Variants in POU2F2 observed in about 807,000 individuals in gnomAD.
POU2F2 encodes the protein POU class 2 homeobox 2, also known as POU domain, class 2, transcription factor 2.
POU2F2 carries 14 observed loss-of-function variants against 63.5 expected under a neutral mutation model. The observed-to-expected ratio is 0.22, with a 90% CI of 0.15 to 0.34. The LOEUF (loss-of-function observed/expected upper bound fraction) is 0.34. Ranked by LOEUF, POU2F2 falls within the 10% of genes least tolerant of loss-of-function variation. POU2F2 has a pLI of 1.00. For synonymous variants in POU2F2, 306 were observed against 348.6 expected (o/e 0.88, Z 1.36); for missense variants, 607 against 815.2 (o/e 0.74, Z 3.11).
In POU2F2 at chr19:42,096,770, C is replaced by G. The variant is rs1025539959; in HGVS notation, c.568-527G>C. On this transcript the variant is annotated intron_variant, in intron 7 of 14. Coordinates refer to ENST00000692977, the MANE Select transcript of POU2F2 (RefSeq NM_001394376.1). The surrounding 1 kb of genome is among the most constrained non-coding windows in gnomAD (Gnocchi z 4.1). ...GACTGTACAATGCCAAGAGTGAACC[C>G]TAATGTCAGCTATGAACTTTGGGTA... Among the ~76,000 whole-genome samples the G allele has an allele frequency of 1.3e-5, 2 of 152,152 alleles. No individual in the cohort carries two copies. Among genetic ancestry groups the G allele is most frequent in the African/African-American group, 4.8e-5 (2 of 41,422 alleles).
upstream of POU2F2, chr19:42,177,418 C>G (rs1599723134): frequency 6.6e-6 from 1 of 152,024 alleles, no homozygotes; most frequent in African/African-American, 2.4e-5. Flanking sequence ...AGAGAGAGCG[C>G]GAGCGAGAGA....
At chr19:42,103,824 G>A (rs979213252) in intron 5 of POU2F2, among the ~76,000 whole-genome samples, 6 of 151,762 alleles carry the variant, frequency 4.0e-5, no homozygotes, top group Non-Finnish European at 5.9e-5. Flanking sequence ...TATTAGAGAC[G>A]AGGTTTCACC....
chr19:42,140,254 A>C (rs746259549), intron 2 of POU2F2, among the ~76,000 whole-genome samples: 21 of 151,694 alleles, frequency 1.4e-4, no homozygotes, highest in Non-Finnish European at 2.7e-4. Flanking sequence ...CCACATGCGC[A>C]CTTCCTGTTC....
chr19:42,179,380 C>T (rs2034934539), upstream of POU2F2, among the ~76,000 whole-genome samples: 2 of 152,086 alleles, frequency 1.3e-5, no homozygotes, highest in South Asian at 4.1e-4. Flanking sequence ...GGGGCTCCGA[C>T]CAGGGGAAGG....
rs2034689503 is a variant in POU2F2, at chr19:42,168,169, C to T, written c.-69-7777G>A. Among the ~76,000 whole-genome samples the T allele has an allele frequency of 2.6e-5, 4 of 152,212 alleles. 1 individual carries two copies. The South Asian group carries it at 8.3e-4, about 32-fold the overall frequency. On this transcript the variant is annotated intron_variant, in intron 1 of 6. Coordinates refer to the POU2F2 transcript ENST00000524801. ...CCAGACCTTGGCCAGGGTTCCCAGA[C>T]TGGACAGGTAGAGCAGAAGTCCTTG...
At chr19:42,181,230 A>G (rs889609417) in intron 1 of POU2F2, among the ~76,000 whole-genome samples, 6 of 152,264 alleles carry the variant, frequency 3.9e-5, no homozygotes, top group Non-Finnish European at 8.8e-5. Context: ...GATGCAGCAC[A>G]TGTATACACA....
chr19:42,113,350 T>G (rs1194511212), intron 5 of POU2F2, among the ~76,000 whole-genome samples: 3 of 152,154 alleles, frequency 2.0e-5, no homozygotes, highest in African/African-American at 7.2e-5. Context: ...TCGGTAAATA[T>G]CCACACAGCC....
At chr19:42,170,080 G>A (rs1283382243) in intron 1 of POU2F2, among the ~76,000 whole-genome samples, 1 of 152,046 alleles carries the variant, frequency 6.6e-6, no homozygotes, top group African/African-American at 2.4e-5. Context: ...GGGGGGAAAA[G>A]GAGGAGGAGG....
intron 2 of POU2F2, among the ~76,000 whole-genome samples, chr19:42,158,527 G>GTT (rs1337000694): frequency 6.6e-6 from 1 of 152,170 alleles, no homozygotes; most frequent in Non-Finnish European, 1.5e-5. Flanking sequence ...TCTTTGTCTT[G>GTT]TAACAGGTGC....
At chr19:42,147,434 T>C (rs1482359884) in intron 2 of POU2F2, among the ~76,000 whole-genome samples, 3 of 152,236 alleles carry the variant, frequency 2.0e-5, no homozygotes, top group African/African-American at 7.2e-5. Flanking sequence ...TTCTTTGGGA[T>C]AGACTTATCA....
chr19:42,145,988 G>A (rs373719122), intron 2 of POU2F2, among the ~76,000 whole-genome samples: 3 of 143,118 alleles, frequency 2.1e-5, no homozygotes, highest in East Asian at 2.0e-4. Flanking sequence ...AGCCGAGATC[G>A]CGCCACTGCA....
intron 2 of POU2F2, among the ~76,000 whole-genome samples, chr19:42,151,021 G>T (rs1469188094): frequency 6.6e-6 from 1 of 152,198 alleles, no homozygotes; most frequent in East Asian, 1.9e-4. Flanking sequence ...ATCCATGGTG[G>T]GCTGAGGGCC....
chr19:42,175,799 G>A (rs1040219079), intron 1 of POU2F2, among the ~76,000 whole-genome samples: 4 of 151,930 alleles, frequency 2.6e-5, no homozygotes, highest in African/African-American at 4.8e-5. Context: ...CTGGAGCTCC[G>A]TTTTCCACCT....
At chr19:42,177,945 G>C (rs1250326193), upstream of POU2F2, among the ~76,000 whole-genome samples, 1 of 151,676 alleles carries the variant, frequency 6.6e-6, no homozygotes, top group East Asian at 1.9e-4. Context: ...ATAGACACGG[G>C]GACACACAGA....
intron 5 of POU2F2, chr19:42,110,701 C>G (rs1568370393): frequency 4.4e-6 from 2 of 455,888 alleles, no homozygotes; most frequent in East Asian, 6.9e-5. Flanking sequence ...CGTTCCTTAC[C>G]CTCTTTAAGC....
At chr19:42,138,086 G>A (rs943897820) in intron 2 of POU2F2, among the ~76,000 whole-genome samples, 2 of 152,218 alleles carry the variant, frequency 1.3e-5, no homozygotes, top group Non-Finnish European at 2.9e-5. Context: ...AAGCAGGGGA[G>A]TGGCATGGTT....
chr19:42,145,994 C>T (rs1162829769), intron 2 of POU2F2, among the ~76,000 whole-genome samples: 3 of 143,906 alleles, frequency 2.1e-5, no homozygotes, highest in Non-Finnish European at 3.0e-5. Context: ...GATCGCGCCA[C>T]TGCACTCCAG....
At chr19:42,197,013 T>A (rs182974041), upstream of POU2F2, among the ~76,000 whole-genome samples, 262 of 152,292 alleles carry the variant, frequency 1.7e-3, no homozygotes, top group African/African-American at 6.0e-3. Flanking sequence ...CGTATTCAAA[T>A]GAGGCCAGGA....
At chr19:42,109,530 C>T (rs1433888080) in intron 5 of POU2F2, among the ~76,000 whole-genome samples, 3 of 152,176 alleles carry the variant, frequency 2.0e-5, no homozygotes, top group African/African-American at 4.8e-5. Flanking sequence ...AGGCGGACAA[C>T]GGACACAGTT....
Sources: gnomAD v4.1 joint callset for allele counts (sites outside exome capture counted in the v4.1 genomes callset) on GRCh38, gnomAD v4.1.1 for gene constraint, Gnocchi (gnomAD v3.1) non-coding constraint, MANE v1.5 for transcripts, NCBI Gene and HGNC (gene_info 2026-07-23, HGNC 2026-07-21) for gene names.